Variants in FAM171A1 observed in about 807,000 individuals in gnomAD.
FAM171A1 encodes the protein protein FAM171A1.
FAM171A1 carries 23 observed loss-of-function variants against 74.9 expected under a neutral mutation model. The ratio of observed to expected loss-of-function variants is 0.31; its 90% CI spans 0.22 to 0.44. The LOEUF is 0.44. FAM171A1 is among the 20% of genes least tolerant of loss of function. The probability of loss-of-function intolerance (pLI) is 1.00; values close to 1 mark genes in which losing one functional copy is unlikely to be tolerated. For synonymous variants in FAM171A1, 527 were observed against 505.7 expected (o/e 1.04, Z -0.57); for missense variants, 1,162 against 1,159.2 (o/e 1.00, Z -0.03).
At chr10:15,334,960 G>C (rs982705230) in intron 1 of FAM171A1, among the ~76,000 whole-genome samples, 1 of 152,140 alleles carries the variant, frequency 6.6e-6, no homozygotes, top group South Asian at 2.1e-4. Context: ...TACACATAAA[G>C]GCCCAGTGCA....
chr10:15,286,571 C>T (rs527250705), intron 1 of FAM171A1, among the ~76,000 whole-genome samples: 29 of 152,142 alleles, frequency 1.9e-4, no homozygotes, highest in Non-Finnish European at 3.4e-4. Context: ...CATGATCCAC[C>T]GCGCCTGGCC....
intron 3 of FAM171A1, among the ~76,000 whole-genome samples, chr10:15,258,770 C>T (rs1463481315): frequency 1.3e-5 from 2 of 152,190 alleles, no homozygotes; most frequent in Non-Finnish European, 2.9e-5. Context: ...ATTCATGGTC[C>T]TGCACTCTGG....
intron 1 of FAM171A1, among the ~76,000 whole-genome samples, chr10:15,356,489 G>A (rs187619807): frequency 6.6e-6 from 1 of 152,234 alleles, no homozygotes; most frequent in Non-Finnish European, 1.5e-5. Flanking sequence ...ATTGTCCATG[G>A]AAGAATTGTC....
intron 1 of FAM171A1, among the ~76,000 whole-genome samples, chr10:15,301,365 T>TGA (rs1564637166): frequency 1.5e-3 from 229 of 148,808 alleles, no homozygotes; most frequent in African/African-American, 4.8e-3. Flanking sequence ...TATATATATT[T>TGA]TTTTTTTTTG....
At position 15,254,722 on chromosome 10, in the gene FAM171A1, T is replaced by C. The variant is rs1834554286; in HGVS notation, c.576A>G (p.Thr192=). 1 of 1,613,774 alleles carries C rather than the reference T, an allele frequency of 6.2e-7. No homozygotes were observed. Among genetic ancestry groups the C allele is most frequent in the Non-Finnish European group, 8.5e-7 (1 of 1,179,756 alleles). The stretch of plus-strand genomic sequence containing the variant: ...GAAAAGAGAAAAGACTCCAATTACC[T>C]GTTCCATTTCCGTCTAATCCTCGCA... ...PYLRGLDGNG[T]GNSTRHDLTP... The change falls in exon 4 of 8, where the codon ACA becomes ACG. Residue 192 remains threonine (T), a splice_region_variant and synonymous_variant. Transcript: ENST00000378116.
At chr10:15,256,141 GC>G (rs1255316574) in intron 3 of FAM171A1, among the ~76,000 whole-genome samples, 1 of 152,108 alleles carries the variant, frequency 6.6e-6, no homozygotes, top group African/African-American at 2.4e-5. Flanking sequence ...CCTTCTCCCG[GC>G]CCCCTGCTGT....
intron 1 of FAM171A1, among the ~76,000 whole-genome samples, chr10:15,313,528 C>T (rs998569424): frequency 1.3e-4 from 20 of 152,156 alleles, no homozygotes; most frequent in African/African-American, 4.6e-4. Context: ...CGTGGACTGC[C>T]TTTAAAGAGA....
At chr10:15,349,499 A>C (rs1403898988) in intron 1 of FAM171A1, among the ~76,000 whole-genome samples, 1 of 152,152 alleles carries the variant, frequency 6.6e-6, no homozygotes, top group East Asian at 1.9e-4. Context: ...AGGAACCTCC[A>C]AGTCATTCTT....
At chr10:15,332,118 A>C (rs1222307377) in intron 1 of FAM171A1, among the ~76,000 whole-genome samples, 1 of 151,206 alleles carries the variant, frequency 6.6e-6, no homozygotes, top group Non-Finnish European at 1.5e-5. Flanking sequence ...ATGCCCAGCT[A>C]ATTTTTTGTA....
intron 1 of FAM171A1, among the ~76,000 whole-genome samples, chr10:15,322,097 T>C (rs1018945200): frequency 1.3e-5 from 2 of 152,228 alleles, no homozygotes; most frequent in Non-Finnish European, 2.9e-5. Context: ...TCAGGCCCGA[T>C]ACAAGCATGG....
In FAM171A1 at chr10:15,337,783, T is replaced by C. The variant is rs117394158; in HGVS notation, c.97+33173A>G. Among the ~76,000 whole-genome samples the C allele has an allele frequency of 2.0e-3, 309 of 152,220 alleles. 3 individuals are homozygous for C. In the East Asian group the frequency reaches 0.05, roughly 25 times the overall value. On this transcript the variant is annotated intron_variant, in intron 1 of 7. Coordinates refer to ENST00000378116, the MANE Select transcript of FAM171A1 (RefSeq NM_001010924.2). ...GGCCAACGCGGTAAAACCCCGACTC[T>C]ACTAAAAAAATACAAAAGTTAGCTG...
Position 15,214,145 on chromosome 10 carries a change from G to T in FAM171A1, c.1443C>A (p.Gly481=). 1 of 1,614,112 alleles carries T rather than the reference G, an allele frequency of 6.2e-7. No individual in the cohort carries two copies. The highest frequency in any genetic ancestry group is 2.2e-5 in the East Asian group (1 of 44,868). Residue 481 remains glycine, a synonymous_variant, in exon 8 of 8, where the codon GGC becomes GGA. Transcript: ENST00000378116. ...SMEREGYESS[G]NDDYRGSYNT... Reference sequence around the variant, plus strand: ...TGTAACTACCCCTGTAGTCATCATTGCCCGAGGACTCGTAGCCTTCTCTTT... The same window carrying T: ...TGTAACTACCCCTGTAGTCATCATTTCCCGAGGACTCGTAGCCTTCTCTTT...
At chr10:15,232,214 G>C (rs7096340) in intron 5 of FAM171A1, among the ~76,000 whole-genome samples, 132,605 of 152,168 alleles carry the variant, frequency 0.87, 58,344 homozygotes, top group East Asian at 1. Flanking sequence ...GACCACTGTT[G>C]CTGCCAGGGA....
chr10:15,244,105 C>T (rs1259140074), intron 5 of FAM171A1, among the ~76,000 whole-genome samples: 3 of 152,130 alleles, frequency 2.0e-5, no homozygotes, highest in African/African-American at 4.8e-5. Flanking sequence ...TGTCATCCCA[C>T]GACTGTGGGA....
intron 1 of FAM171A1, among the ~76,000 whole-genome samples, chr10:15,303,627 T>C (rs1486737749): frequency 6.6e-6 from 1 of 152,220 alleles, no homozygotes; most frequent in Non-Finnish European, 1.5e-5. Flanking sequence ...GAAGTTGTTT[T>C]TTCAAGTAGC....
chr10:15,352,655 A>G (rs1835892633), intron 1 of FAM171A1, among the ~76,000 whole-genome samples: 1 of 152,258 alleles, frequency 6.6e-6, no homozygotes, highest in Admixed American at 6.5e-5. Flanking sequence ...ATTGTTTCAA[A>G]AAGTTGTGGG....
chr10:15,222,881 G>C (rs866459276), intron 5 of FAM171A1, among the ~76,000 whole-genome samples: 1 of 152,242 alleles, frequency 6.6e-6, no homozygotes, highest in African/African-American at 2.4e-5. Context: ...TGCACCAAAG[G>C]GTTTGGGCTC....
At chr10:15,349,864 A>G (rs941477704) in intron 1 of FAM171A1, among the ~76,000 whole-genome samples, 2 of 152,204 alleles carry the variant, frequency 1.3e-5, no homozygotes, top group African/African-American at 4.8e-5. Context: ...GAGATCAGCC[A>G]CAAAGACAAC....
At chr10:15,250,752 C>T (rs926283685) in intron 4 of FAM171A1, among the ~76,000 whole-genome samples, 1 of 152,010 alleles carries the variant, frequency 6.6e-6, no homozygotes, top group Non-Finnish European at 1.5e-5. Context: ...AGAGTGACAC[C>T]CTGTCTCAAA....
Sources: allele counts gnomAD v4.1 joint callset (sites outside exome capture counted in the v4.1 genomes callset), GRCh38; gene constraint gnomAD v4.1.1; transcripts MANE v1.5; gene names NCBI Gene and HGNC (gene_info 2026-07-23, HGNC 2026-07-21).